LGMN: variants seen among roughly 807,000 people sequenced by gnomAD.
LGMN encodes legumain, also known as asparaginyl endopeptidase.
LGMN carries 36 observed loss-of-function variants against 56.8 expected under a neutral mutation model. The ratio of observed to expected loss-of-function variants is 0.63; its 90% confidence interval spans 0.49 to 0.84. The LOEUF is 0.84. Among genes scored for constraint, LGMN ranks in the 40% least tolerant of loss-of-function variants. The pLI, the probability that LGMN is intolerant of heterozygous loss-of-function variation, is 0.00. For missense variants in LGMN, 446 were observed against 556.1 expected, an observed-to-expected ratio of 0.80 and a Z score of 1.99; for synonymous variants, 199 against 210.1, an observed-to-expected ratio of 0.95 and a Z score of 0.46.
In LGMN at chr14:92,714,261, C is replaced by T. The variant is rs1190506618; in HGVS notation, c.480+115G>A. The T allele has an allele frequency of 7.0e-6, 5 of 713,918 alleles. No individual in the cohort carries two copies. Among genetic ancestry groups the T allele is most frequent in the South Asian group, 1.8e-5 (1 of 56,542 alleles). 44.2% of individuals were successfully genotyped at this position (713,918 alleles called of 1,614,324 possible). On this transcript the variant is annotated intron_variant, in intron 6 of 13. Coordinates refer to ENST00000334869, the MANE Select transcript of LGMN (RefSeq NM_005606.7). This position sits in a 1 kb window ranked among gnomAD's most constrained non-coding sequence, Gnocchi z 5.1. ...CTGTCCCCCACTCCCACCCACCACACGTACAAACCAACCCTGGCAGGACAC... is the reference window on the plus strand; with the variant it reads ...CTGTCCCCCACTCCCACCCACCACATGTACAAACCAACCCTGGCAGGACAC...
chr14:92,733,413 G>GT (rs145364326), intron 1 of LGMN, among the ~76,000 whole-genome samples: 3,656 of 152,184 alleles, frequency 0.024, 92 homozygotes, highest in South Asian at 0.1. Flanking sequence ...AGTTTTTGAC[G>GT]TAACTCAAAA....
chr14:92,727,927 GACCAAT>G (rs1235523601), intron 2 of LGMN, among the ~76,000 whole-genome samples: 8 of 152,254 alleles, frequency 5.3e-5, no homozygotes, highest in Admixed American at 3.9e-4. Context: ...AAACTAAACA[GACCAAT>G]ACATCAAGTC....
chr14:92,727,370 C>T (rs1352171512), intron 2 of LGMN, among the ~76,000 whole-genome samples: 1 of 133,192 alleles, frequency 7.5e-6, no homozygotes, highest in Non-Finnish European at 1.5e-5. Context: ...GTGGATGTTG[C>T]AATGAGCCGA....
At chr14:92,742,371 C>A (rs1891601933) in intron 1 of LGMN, among the ~76,000 whole-genome samples, 2 of 142,286 alleles carry the variant, frequency 1.4e-5, no homozygotes, top group Admixed American at 7.5e-5. Context: ...GATCTCAGCT[C>A]ACTGCAACCT....
chr14:92,735,775 A>G (rs1891272922), intron 1 of LGMN, among the ~76,000 whole-genome samples: 1 of 152,144 alleles, frequency 6.6e-6, no homozygotes, highest in Non-Finnish European at 1.5e-5. Context: ...TAACTACAGT[A>G]AGATGCTCCC....
At chr14:92,740,244 G>A (rs908452493) in intron 1 of LGMN, among the ~76,000 whole-genome samples, 12 of 152,204 alleles carry the variant, frequency 7.9e-5, no homozygotes, top group South Asian at 4.2e-4. Context: ...GCAAAACTCC[G>A]TCTCAAAAAA....
At position 92,745,052 on chromosome 14, in the gene LGMN, C is replaced by G. The variant is rs547250333; in HGVS notation, c.-30+3437G>C. Among the ~76,000 whole-genome samples, 29 of 152,290 alleles carry G rather than the reference C, an allele frequency of 1.9e-4. No individual in the cohort carries two copies. In the East Asian group the frequency reaches 5.4e-3, roughly 28 times the overall value. On this transcript the variant is annotated intron_variant, in intron 1 of 13. Coordinates refer to ENST00000334869, the MANE Select transcript of LGMN (RefSeq NM_005606.7). ...GTGTCTCCTGCCTGTAATCCCAGTA[C>G]TCTGGGAGGCCGAAGCCAGAGGGTC... is the stretch of plus-strand genomic sequence containing the variant.
intron 2 of LGMN, among the ~76,000 whole-genome samples, chr14:92,721,112 G>A (rs1229912985): frequency 2.0e-5 from 3 of 152,118 alleles, no homozygotes; most frequent in Admixed American, 6.5e-5. Context: ...GGCTGGTCTC[G>A]AACTCCTGGG....
intron 2 of LGMN, among the ~76,000 whole-genome samples, chr14:92,722,977 G>A (rs112420435): frequency 0.01 from 1,527 of 152,192 alleles, 30 homozygotes; most frequent in African/African-American, 0.034. Flanking sequence ...GTGGAGCCGC[G>A]ATTTTGGAAA....
In LGMN at chr14:92,704,276, G is replaced by T. The variant is rs758945329; in HGVS notation, c.*43C>A. The T allele has an allele frequency of 6.2e-7, 1 of 1,613,750 alleles. No homozygotes were observed. Among genetic ancestry groups the T allele is most frequent in the South Asian group, 1.1e-5 (1 of 91,068 alleles). On this transcript the variant is annotated 3_prime_UTR_variant, in exon 14 of 14. Transcript: ENST00000334869. ...TCCAGTCTCTGATCAGCACACAGTC[G>T]GTGGGGCGCTCACACTTGGAAAAGC...
chr14:92,725,083 C>T (rs1014984361), intron 2 of LGMN, among the ~76,000 whole-genome samples: 4 of 152,204 alleles, frequency 2.6e-5, no homozygotes, highest in African/African-American at 9.7e-5. Context: ...GGAATGACAC[C>T]TGAGGTCTGA....
chr14:92,716,161 T>G lies in LGMN; in HGVS notation c.379A>C (p.Ile127Leu). 1 of 1,613,160 alleles carries G rather than the reference T, an allele frequency of 6.2e-7. No individual in the cohort carries two copies. Among genetic ancestry groups the G allele is most frequent in the South Asian group, 1.1e-5 (1 of 91,026 alleles). The change falls in exon 5 of 14, where the codon ATA (isoleucine) becomes CTA (leucine). Residue 127 changes from isoleucine to leucine, a missense_variant. Physicochemically the swap from Ile to Leu is conservative, Grantham distance 5. Transcript: ENST00000334869. The part of the protein sequence containing the change: ...LRGDAEAVKG[I>L]GSGKVLKSGP... ...CTCTTCAGGACTTTGCCGGATCCTA[T>G]GCCCTTCACTGCTTCTGCATCGCCT...
rs142819714 is a variant in LGMN, at chr14:92,714,592, C to T, written c.405-141G>A. 19 of 630,138 alleles carry T rather than the reference C, an allele frequency of 3.0e-5. No homozygotes were observed. Among genetic ancestry groups the T allele is most frequent in the East Asian group, 1.1e-4 (4 of 36,692 alleles). The allele number at this position is 630,138 out of a possible 1,614,324, so 39.0% of individuals were successfully genotyped here. A position where few individuals can be genotyped will look rare whatever the true frequency, so the allele number is the denominator to read the frequency against. ...AGGTTTGAAGATGAACACAAGGGCC[C>T]GGTGCCCGGTGTCTGGCCTGTCCCC... is the stretch of plus-strand genomic sequence containing the variant. On this transcript the variant is annotated intron_variant, in intron 5 of 13. Transcript: ENST00000334869. The surrounding 1 kb of genome is among the most constrained non-coding windows in gnomAD (Gnocchi z 5.1).
intron 2 of LGMN, among the ~76,000 whole-genome samples, chr14:92,726,741 T>C (rs1177081331): frequency 6.6e-6 from 1 of 152,174 alleles, no homozygotes; most frequent in Non-Finnish European, 1.5e-5. Flanking sequence ...ACCTGGGCCA[T>C]GCACTGTCCT....
chr14:92,732,343 G>T, intron 2 of LGMN: 1 of 296,692 alleles, frequency 3.4e-6, no homozygotes, highest in Non-Finnish European at 6.4e-6. Flanking sequence ...AACCAAGAAT[G>T]ACCTGGTCCC....
intron 2 of LGMN, among the ~76,000 whole-genome samples, chr14:92,732,169 T>C (rs1446137756): frequency 6.6e-6 from 1 of 152,148 alleles, no homozygotes; most frequent in Non-Finnish European, 1.5e-5. Flanking sequence ...AATGAAGATG[T>C]TGAACTAAGT....
Position 92,708,856 on chromosome 14 carries a change from C to CAAAAAAAAAAAAA in LGMN, c.1020+803_1020+815dup, listed in dbSNP as rs58813848. On this transcript the variant is annotated intron_variant, in intron 11 of 13. Transcript: ENST00000334869. ...TGGCGACAGAGCAAGACTCTTGTCT[C>CAAAAAAAAAAAAA]AAAAAAAAAAAAAAAAAAAAAAAAA... 3.2e-3 allele frequency among the ~76,000 whole-genome samples: 231 copies of CAAAAAAAAAAAAA among 71,568 alleles called. 15 individuals are homozygous for CAAAAAAAAAAAAA. The highest frequency in any genetic ancestry group is 6.0e-3 in the Admixed American group (32 of 5,334). 47.0% of individuals were successfully genotyped at this position (71,568 alleles called of 152,430 possible). A position where few individuals can be genotyped will look rare whatever the true frequency, so the allele number is the denominator to read the frequency against.
intron 2 of LGMN, among the ~76,000 whole-genome samples, chr14:92,727,338 G>T (rs972621010): frequency 2.0e-5 from 3 of 147,762 alleles, no homozygotes; most frequent in Non-Finnish European, 3.0e-5. Flanking sequence ...GCTGAGGCAC[G>T]AGAATTGATT....
At chr14:92,712,902 C>T in intron 7 of LGMN, 31 bp from the exon 8 acceptor site, 2 of 1,604,542 alleles carry the variant, frequency 1.2e-6, no homozygotes, top group African/African-American at 1.3e-5. Flanking sequence ...GTGAGCTCAC[C>T]CCATCCAGGT....
Sources: gnomAD v4.1 joint callset for allele counts (sites outside exome capture counted in the v4.1 genomes callset) on GRCh38, gnomAD v4.1.1 for gene constraint, Gnocchi (gnomAD v3.1) non-coding constraint, MANE v1.5 for transcripts, NCBI Gene and HGNC (gene_info 2026-07-23, HGNC 2026-07-21) for gene names.